Variants in RARB observed in about 807,000 individuals in gnomAD.
RARB encodes the protein HBV-activated protein.
Under a neutral mutation model 51.9 loss-of-function variants are expected in RARB, and 17 were observed. The observed-to-expected ratio is 0.33, with a 90% CI of 0.22 to 0.49. The LOEUF (loss-of-function observed/expected upper bound fraction) is 0.49, where lower values mean the gene tolerates loss of function less well. Among genes scored for constraint, RARB ranks in the 20% least tolerant of loss-of-function variants. RARB has a pLI of 0.99. For missense variants in RARB, 369 were observed against 550.8 expected (o/e 0.67, Z 3.30); for synonymous variants, 215 against 195.4 (o/e 1.10, Z -0.84).
chr3:25,196,776 G>A (rs567993666), intron 5 of RARB, among the ~76,000 whole-genome samples: 40 of 152,152 alleles, frequency 2.6e-4, no homozygotes, highest in Admixed American at 5.2e-4. Context: ...CTGGTGTGAG[G>A]TGGTATCTCA....
intron 2 of RARB, among the ~76,000 whole-genome samples, chr3:25,055,703 A>T (rs139971072): frequency 1.0e-3 from 159 of 152,226 alleles, no homozygotes; most frequent in African/African-American, 3.7e-3. Context: ...TAGCAAGCGT[A>T]GTTACATAGA....
intron 4 of RARB, among the ~76,000 whole-genome samples, chr3:25,153,129 A>T (rs986687984): frequency 7.7e-6 from 1 of 130,036 alleles, no homozygotes; most frequent in Admixed American, 8.7e-5. Flanking sequence ...CAAGTAATAG[A>T]GGCAGAGTGT....
intron 2 of RARB, among the ~76,000 whole-genome samples, chr3:25,058,943 C>CA (rs1477898155): frequency 6.6e-6 from 1 of 151,102 alleles, no homozygotes; most frequent in African/African-American, 2.4e-5. Flanking sequence ...TTGAAAGTTA[C>CA]AAAAAAATTC....
At chr3:24,988,210 A>T (rs1316713248) in intron 2 of RARB, among the ~76,000 whole-genome samples, 1 of 152,190 alleles carries the variant, frequency 6.6e-6, no homozygotes, top group Non-Finnish European at 1.5e-5. Flanking sequence ...TGTAAATATG[A>T]TTGATACGAA....
chr3:24,940,995 T>C (rs987961154), intron 2 of RARB, among the ~76,000 whole-genome samples: 1 of 152,156 alleles, frequency 6.6e-6, no homozygotes, highest in African/African-American at 2.4e-5. Flanking sequence ...CCAACCAACA[T>C]TAAATTTTGA....
At chr3:25,182,877 G>C (rs549118400) in intron 5 of RARB, among the ~76,000 whole-genome samples, 3 of 152,228 alleles carry the variant, frequency 2.0e-5, no homozygotes, top group African/African-American at 7.2e-5. Flanking sequence ...TTATAAAAGG[G>C]GGAAATTTAA....
upstream of RARB, among the ~76,000 whole-genome samples, chr3:25,423,775 C>T (rs1028215442): frequency 6.6e-6 from 1 of 152,038 alleles, no homozygotes; most frequent in Admixed American, 6.5e-5. Context: ...GAAATGTAAA[C>T]AAGATGAAAT....
At chr3:25,586,740 C>T (rs993609481) in intron 5 of RARB, among the ~76,000 whole-genome samples, 79 of 152,204 alleles carry the variant, frequency 5.2e-4, no homozygotes, top group Non-Finnish European at 8.2e-4. Flanking sequence ...CCATGGAGGG[C>T]CGTTCCCATG....
At chr3:25,372,508 G>A (rs1706331348) in intron 5 of RARB, among the ~76,000 whole-genome samples, 1 of 152,192 alleles carries the variant, frequency 6.6e-6, no homozygotes, top group Non-Finnish European at 1.5e-5. Context: ...GGCAAGAGAA[G>A]ATGGTAGTTT....
chr3:25,224,520 C>T (rs1702012305), intron 5 of RARB, among the ~76,000 whole-genome samples: 2 of 152,196 alleles, frequency 1.3e-5, no homozygotes, highest in South Asian at 4.1e-4. Flanking sequence ...AAACCTTTGG[C>T]CTTTAAGATG....
intron 2 of RARB, among the ~76,000 whole-genome samples, chr3:25,037,023 TG>T (rs1187895571): frequency 6.6e-6 from 1 of 152,226 alleles, no homozygotes; most frequent in Non-Finnish European, 1.5e-5. Context: ...AAATTACTGC[TG>T]GTTCCAAAAG....
intron 2 of RARB, among the ~76,000 whole-genome samples, chr3:25,475,753 G>T (rs1341739835): frequency 2.6e-5 from 4 of 152,166 alleles, no homozygotes; most frequent in African/African-American, 9.7e-5. Context: ...TTCAAGATCA[G>T]TCTCCTTGGC....
At chr3:25,496,551 A>G (rs1009095861) in intron 2 of RARB, among the ~76,000 whole-genome samples, 5 of 152,178 alleles carry the variant, frequency 3.3e-5, no homozygotes, top group Non-Finnish European at 7.4e-5. Context: ...CACAGTGCCT[A>G]TTGGGCTCCC....
At chr3:25,204,377 C>G (rs141450886) in intron 5 of RARB, among the ~76,000 whole-genome samples, 1 of 152,258 alleles carries the variant, frequency 6.6e-6, no homozygotes, top group African/African-American at 2.4e-5. Flanking sequence ...TGAACTTCTT[C>G]CTTTAGCTCG....
intron 3 of RARB, among the ~76,000 whole-genome samples, chr3:25,065,398 AG>A (rs1698641531): frequency 6.6e-6 from 1 of 152,220 alleles, no homozygotes; most frequent in Admixed American, 6.5e-5. Flanking sequence ...ATGTTTTGAT[AG>A]AGGATAATTT....
intron 5 of RARB, among the ~76,000 whole-genome samples, chr3:25,285,745 C>T (rs1340607894): frequency 6.6e-6 from 1 of 152,122 alleles, no homozygotes; most frequent in Non-Finnish European, 1.5e-5. Context: ...TGAGAGGGTT[C>T]TTAGAGAAGG....
rs548147167 is a variant in RARB at position 24,842,140 on chromosome 3, C to T, written c.-459+12737C>T. Among the ~76,000 whole-genome samples, 14 of 152,072 alleles carry T rather than the reference C, an allele frequency of 9.2e-5. No individual in the cohort carries two copies. In the Middle Eastern group the frequency reaches 0.014, roughly 148 times the overall value. On this transcript the variant is annotated intron_variant, in intron 1 of 11. Transcript: ENST00000383772. ...GGGAGGGAAAAGACTGAGAACTGCC[C>T]AAGACAGGCTACAGTTATGGAAATA... is the stretch of plus-strand genomic sequence containing the variant.
intron 3 of RARB, among the ~76,000 whole-genome samples, chr3:25,082,715 T>A (rs1383400048): frequency 2.0e-5 from 3 of 152,134 alleles, no homozygotes; most frequent in Non-Finnish European, 2.9e-5. Flanking sequence ...ACCCACATGT[T>A]CATCTTTTCT....
At chr3:25,387,234 A>C (rs1056612466) in intron 5 of RARB, among the ~76,000 whole-genome samples, 1 of 152,182 alleles carries the variant, frequency 6.6e-6, no homozygotes, top group African/African-American at 2.4e-5. Flanking sequence ...GGGAAGAAAA[A>C]TTCTGTTTCC....
Sources: gnomAD v4.1 joint callset for allele counts (sites outside exome capture counted in the v4.1 genomes callset) on GRCh38, gnomAD v4.1.1 for gene constraint, MANE v1.5 for transcripts, NCBI Gene and HGNC (gene_info 2026-07-23, HGNC 2026-07-21) for gene names.